PIK3AP1: variants seen among roughly 807,000 people sequenced by gnomAD.
The protein encoded by PIK3AP1 is phosphoinositide-3-kinase adaptor protein 1.
Under a neutral mutation model 88.1 loss-of-function variants are expected in PIK3AP1, and 21 were observed. The observed-to-expected ratio is 0.24, with a 90% CI of 0.17 to 0.34. PIK3AP1 has a LOEUF of 0.34. Among genes scored for constraint, PIK3AP1 ranks in the 10% least tolerant of loss-of-function variants. PIK3AP1 has a pLI of 1.00. For synonymous variants in PIK3AP1, 398 were observed against 400.0 expected (o/e 1.00, Z 0.06); for missense variants, 828 against 1,035.7 (o/e 0.80, Z 2.75).
rs997082592 is a variant in PIK3AP1, at chr10:96,665,049, G to T, written c.431-8115C>A. Among the ~76,000 whole-genome samples the T allele has an allele frequency of 1.0e-4, 15 of 149,930 alleles. No homozygotes were observed. In the East Asian group the frequency reaches 2.9e-3, roughly 29 times the overall value. On this transcript the variant is annotated intron_variant, in intron 2 of 16. Transcript: ENST00000339364. ...AAGATAATACCACCTTTGCTGTCCT[G>T]AGACTCGAATAATAATGTTTGAGCG...
At chr10:96,718,614 G>A (rs534644070) in intron 1 of PIK3AP1, among the ~76,000 whole-genome samples, 1 of 152,192 alleles carries the variant, frequency 6.6e-6, no homozygotes, top group Non-Finnish European at 1.5e-5. Context: ...TTTGCCCACC[G>A]GACTAGGGTC....
intron 2 of PIK3AP1, 94 bp from the exon 3 acceptor site, chr10:96,657,028 G>C: frequency 1.1e-5 from 14 of 1,302,238 alleles, no homozygotes; most frequent in Non-Finnish European, 3.2e-6. Flanking sequence ...TGCAAAATAG[G>C]AAACGGCTCT....
At chr10:96,628,030 C>T (rs1169665685) in intron 9 of PIK3AP1, among the ~76,000 whole-genome samples, 1 of 152,186 alleles carries the variant, frequency 6.6e-6, no homozygotes, top group Non-Finnish European at 1.5e-5. Context: ...CTCCTGAGGG[C>T]ATTGATCATA....
chr10:96,716,814 G>A (rs1395597041), intron 1 of PIK3AP1, among the ~76,000 whole-genome samples: 2 of 152,138 alleles, frequency 1.3e-5, no homozygotes, highest in African/African-American at 4.8e-5. Context: ...AAATGAGGAA[G>A]GGTCTTTCTT....
At chr10:96,680,704 T>C (rs1843988232) in intron 2 of PIK3AP1, among the ~76,000 whole-genome samples, 1 of 152,260 alleles carries the variant, frequency 6.6e-6, no homozygotes, top group African/African-American at 2.4e-5. Flanking sequence ...TTATCCAGTC[T>C]ACCATTAGTG....
chr10:96,622,527 T>C (rs918324111), intron 11 of PIK3AP1, among the ~76,000 whole-genome samples: 49 of 152,334 alleles, frequency 3.2e-4, no homozygotes, highest in African/African-American at 1.1e-3. Flanking sequence ...CGTTTATCTA[T>C]CATTCTGCCC....
At chr10:96,638,471 G>GAC (rs60796576) in intron 8 of PIK3AP1, among the ~76,000 whole-genome samples, 2,935 of 147,970 alleles carry the variant, frequency 0.02, 73 homozygotes, top group African/African-American at 0.056. Context: ...CACACACACA[G>GAC]ACACACACAC....
intron 8 of PIK3AP1, among the ~76,000 whole-genome samples, chr10:96,633,925 C>A (rs1843279587): frequency 6.6e-6 from 1 of 152,160 alleles, no homozygotes; most frequent in Non-Finnish European, 1.5e-5. Flanking sequence ...TAGCCAGGTG[C>A]ATTTTCTTTA....
At chr10:96,653,605 A>G (rs1221069805) in intron 3 of PIK3AP1, among the ~76,000 whole-genome samples, 1 of 143,394 alleles carries the variant, frequency 7.0e-6, no homozygotes, top group Non-Finnish European at 1.5e-5. Context: ...CTCATGCCTC[A>G]GCCTCCCTAG....
At chr10:96,700,878 T>C in intron 2 of PIK3AP1, 2 of 985,622 alleles carry the variant, frequency 2.0e-6, no homozygotes, top group Non-Finnish European at 2.4e-6. Context: ...CCTTCTCTTC[T>C]CTCAGGGCTG....
intron 2 of PIK3AP1, among the ~76,000 whole-genome samples, chr10:96,708,318 T>C (rs1398436086): frequency 6.6e-6 from 1 of 152,056 alleles, no homozygotes; most frequent in Non-Finnish European, 1.5e-5. Context: ...CTCACGCCTG[T>C]AATCCCAGCA....
intron 3 of PIK3AP1, among the ~76,000 whole-genome samples, chr10:96,655,309 A>T (rs1160343788): frequency 3.9e-5 from 6 of 152,112 alleles, no homozygotes. Context: ...TTTGAGGCCA[A>T]CCTGGCCAAC....
chr10:96,612,347 T>C (rs4146727), intron 13 of PIK3AP1, among the ~76,000 whole-genome samples: 126,367 of 152,174 alleles, frequency 0.83, 52,915 homozygotes, highest in Non-Finnish European at 0.88. Context: ...TGGAGAAAAA[T>C]GGGCAAGTTA....
intron 2 of PIK3AP1, among the ~76,000 whole-genome samples, chr10:96,703,968 A>C (rs1003483901): frequency 1.3e-5 from 2 of 152,250 alleles, no homozygotes; most frequent in Non-Finnish European, 2.9e-5. Context: ...GGTGGCTGAC[A>C]AATTTGGAGA....
At chr10:96,644,079 A>G (rs1462646432) in intron 8 of PIK3AP1, among the ~76,000 whole-genome samples, 1 of 152,168 alleles carries the variant, frequency 6.6e-6, no homozygotes, top group African/African-American at 2.4e-5. Flanking sequence ...TGGAGATCAG[A>G]TCCACTGTTA....
At chr10:96,661,846 G>A (rs929135899) in intron 2 of PIK3AP1, among the ~76,000 whole-genome samples, 48 of 129,906 alleles carry the variant, frequency 3.7e-4, no homozygotes, top group African/African-American at 1.3e-3. Flanking sequence ...AAAGGGAAAA[G>A]GGAAAGGGAA....
intron 2 of PIK3AP1, among the ~76,000 whole-genome samples, chr10:96,683,014 C>T (rs1844023184): frequency 6.6e-6 from 1 of 152,198 alleles, no homozygotes; most frequent in South Asian, 2.1e-4. Context: ...GCCATCATTG[C>T]ACAAGTCTCC....
chr10:96,598,166 C>G (rs970506235), intron 16 of PIK3AP1, among the ~76,000 whole-genome samples: 1 of 151,528 alleles, frequency 6.6e-6, no homozygotes, highest in Non-Finnish European at 1.5e-5. Flanking sequence ...ACCTCAGCCT[C>G]TCGAGTACCT....
chr10:96,706,339 C>T (rs897661581), intron 2 of PIK3AP1, among the ~76,000 whole-genome samples: 1 of 152,034 alleles, frequency 6.6e-6, no homozygotes, highest in African/African-American at 2.4e-5. Flanking sequence ...TTTGAGGTAC[C>T]TTAGGAAAAC....
Sources: gnomAD v4.1 joint callset for allele counts (sites outside exome capture counted in the v4.1 genomes callset) on GRCh38, gnomAD v4.1.1 for gene constraint, MANE v1.5 for transcripts, NCBI Gene and HGNC (gene_info 2026-07-23, HGNC 2026-07-21) for gene names.